CDH26: variants seen among roughly 807,000 people sequenced by gnomAD.
The protein encoded by CDH26 is cadherin 26.
Under a neutral mutation model 90.3 loss-of-function variants are expected in CDH26, and 83 were observed. That is an observed-to-expected ratio of 0.92 (90% confidence interval 0.77 to 1.10). The LOEUF (loss-of-function observed/expected upper bound fraction) is 1.10. CDH26 is among the 50% of genes least tolerant of loss of function. The pLI is 0.00. For missense variants in CDH26, 1,013 were observed against 1,037.6 expected (o/e 0.98, Z 0.33); for synonymous variants, 397 against 396.3 (o/e 1.00, Z -0.02).
chr20:59,977,986 T>C (rs890114692), intron 4 of CDH26, among the ~76,000 whole-genome samples: 2 of 152,228 alleles, frequency 1.3e-5, no homozygotes, highest in African/African-American at 4.8e-5. Flanking sequence ...CTTTTGCCTT[T>C]TCCAGAAGGT....
At chr20:60,009,831 C>T (rs1047131505) in intron 17 of CDH26, among the ~76,000 whole-genome samples, 2 of 152,174 alleles carry the variant, frequency 1.3e-5, no homozygotes, top group African/African-American at 2.4e-5. Flanking sequence ...GCTCTGCACA[C>T]ACCAGGTCTG....
chr20:60,009,542 G>A (rs747134637), intron 17 of CDH26, among the ~76,000 whole-genome samples: 66 of 152,110 alleles, frequency 4.3e-4, no homozygotes, highest in Non-Finnish European at 7.2e-4. Flanking sequence ...TGTTCCAGCC[G>A]CGGGCCCCCC....
intron 7 of CDH26, among the ~76,000 whole-genome samples, chr20:60,022,763 G>T (rs1355367879): frequency 6.6e-6 from 1 of 152,046 alleles, no homozygotes; most frequent in East Asian, 1.9e-4. Flanking sequence ...AAACAAATCT[G>T]CTATGAAGAA....
chr20:59,990,931 A>G (rs2145992459), intron 9 of CDH26, among the ~76,000 whole-genome samples: 1 of 150,920 alleles, frequency 6.6e-6, no homozygotes. Context: ...GTGCAGTGGC[A>G]TAATCTTGAC....
chr20:60,009,440 G>T (rs951333167), intron 17 of CDH26, among the ~76,000 whole-genome samples: 2 of 152,216 alleles, frequency 1.3e-5, no homozygotes, highest in Non-Finnish European at 2.9e-5. Context: ...GCACACACAC[G>T]TGAACGCATG....
chr20:60,016,380 T>A (rs1216000673), downstream of CDH26, among the ~76,000 whole-genome samples: 1 of 152,146 alleles, frequency 6.6e-6, no homozygotes, highest in Non-Finnish European at 1.5e-5. Flanking sequence ...TTGTAGTTAT[T>A]GTAAAAGGGA....
At chr20:59,968,350 G>A (rs1476402259) in intron 1 of CDH26, among the ~76,000 whole-genome samples, 1 of 152,010 alleles carries the variant, frequency 6.6e-6, no homozygotes, top group Non-Finnish European at 1.5e-5. Flanking sequence ...ACCTGCCTTG[G>A]CCTCCCAAAG....
At chr20:59,995,034 A>T (rs1291788215) in intron 11 of CDH26, among the ~76,000 whole-genome samples, 1 of 151,934 alleles carries the variant, frequency 6.6e-6, no homozygotes, top group African/African-American at 2.4e-5. Flanking sequence ...CACTGTCAAC[A>T]CTCTCTTCTG....
rs2061885408 is a variant in CDH26 at position 60,014,239 on chromosome 20, A to G, written c.*1509A>G. 1 of 152,198 alleles carries G rather than the reference A, an allele frequency of 6.6e-6. No individual in the cohort carries two copies. The highest frequency in any genetic ancestry group is 1.5e-5 in the Non-Finnish European group (1 of 68,036). The allele number at this position is 152,198 out of a possible 1,614,324, so 9.4% of individuals were successfully genotyped here. A position where few individuals can be genotyped will look rare whatever the true frequency, so the allele number is the denominator to read the frequency against. Reference sequence around the variant, plus strand: ...GTTTCAATACATTTACAGTGATCAGATCAGGGTGGTTAACGTAATCATTGG... The same window carrying G: ...GTTTCAATACATTTACAGTGATCAGGTCAGGGTGGTTAACGTAATCATTGG... On this transcript the variant is annotated 3_prime_UTR_variant, in exon 18 of 18. Transcript: ENST00000348616.
chr20:59,994,551 AT>A, intron 11 of CDH26, 62 bp downstream of exon 11: 1 of 1,587,846 alleles, frequency 6.3e-7, no homozygotes, highest in Non-Finnish European at 8.6e-7. Context: ...ATTCAAACAG[AT>A]TTAGGCAAAA....
At chr20:59,993,988 TG>T (rs1453129171) in intron 10 of CDH26, among the ~76,000 whole-genome samples, 1 of 152,140 alleles carries the variant, frequency 6.6e-6, no homozygotes, top group African/African-American at 2.4e-5. Context: ...ATTGACCTTT[TG>T]TTTTTTTAAT....
At chr20:59,960,476 A>G (rs567891803) in intron 1 of CDH26, among the ~76,000 whole-genome samples, 2 of 152,160 alleles carry the variant, frequency 1.3e-5, no homozygotes, top group Non-Finnish European at 2.9e-5. Flanking sequence ...GGGTTCTCAC[A>G]TTTGTAGGCT....
At chr20:59,963,974 C>G (rs1215678636) in intron 1 of CDH26, among the ~76,000 whole-genome samples, 1 of 152,130 alleles carries the variant, frequency 6.6e-6, no homozygotes, top group Admixed American at 6.5e-5. Flanking sequence ...GCTCTCAGAA[C>G]TGGAAATGAC....
intron 8 of CDH26, chr20:60,033,367 C>T (rs1372035170): frequency 1.0e-5 from 12 of 1,197,788 alleles, no homozygotes; most frequent in Non-Finnish European, 1.3e-5. Flanking sequence ...AGGCTGCCTT[C>T]CTTCATGCAT....
chr20:60,007,204 C>T (rs143394574), intron 17 of CDH26, among the ~76,000 whole-genome samples: 1 of 152,312 alleles, frequency 6.6e-6, no homozygotes, highest in African/African-American at 2.4e-5. Context: ...AATGCCATCA[C>T]ATTGGGGTTA....
intron 4 of CDH26, among the ~76,000 whole-genome samples, chr20:59,979,875 C>T (rs1179024880): frequency 6.6e-6 from 1 of 151,832 alleles, no homozygotes; most frequent in African/African-American, 2.4e-5. Context: ...GATCCACCTG[C>T]CTCAGCCTCC....
rs759747635 is a variant in CDH26 at position 60,033,475 on chromosome 20, C to T, written c.1144-11C>T. The T allele has an allele frequency of 1.2e-5, 15 of 1,301,328 alleles. No individual in the cohort carries two copies. In the South Asian group the frequency reaches 1.5e-4, roughly 13 times the overall value. The allele number at this position is 1,301,328 out of a possible 1,614,324, so 80.6% of individuals were successfully genotyped here. A position where few individuals can be genotyped will look rare whatever the true frequency, so the allele number is the denominator to read the frequency against. ...TTAATTCTCACTTTCTGTTTTCACCCCATTTTGCAGATGAGGAGAACAAGG... is the reference window on the plus strand; with the variant it reads ...TTAATTCTCACTTTCTGTTTTCACCTCATTTTGCAGATGAGGAGAACAAGG... On this transcript the variant is annotated splice_polypyrimidine_tract_variant and intron_variant, in intron 8 of 8. Transcript: ENST00000370991.
chr20:60,033,773 ATGTGTGTG>A (rs3043443), exon 9 of CDH26: 27 of 900,568 alleles, frequency 3.0e-5, no homozygotes, highest in African/African-American at 4.0e-5. Flanking sequence ...GGTAGACAAG[ATGTGTGTG>A]TGTGTGTGTG....
chr20:60,012,491 T>G (rs780289747), intron 17 of CDH26, 36 bp from the exon 18 acceptor site: 9 of 1,588,986 alleles, frequency 5.7e-6, no homozygotes, highest in Middle Eastern at 1.8e-4. Context: ...TGGAAGCACA[T>G]GGCATTTACC....
Sources: gnomAD v4.1 joint callset for allele counts (sites outside exome capture counted in the v4.1 genomes callset) on GRCh38, gnomAD v4.1.1 for gene constraint, MANE v1.5 for transcripts, NCBI Gene and HGNC (gene_info 2026-07-23, HGNC 2026-07-21) for gene names.